Variants in KCNH1 observed in about 807,000 individuals in gnomAD.
KCNH1 encodes the protein voltage-gated delayed rectifier potassium channel KCNH1.
KCNH1 carries 27 observed loss-of-function variants against 69.2 expected under a neutral mutation model. That is an observed-to-expected ratio of 0.39 (90% CI 0.29 to 0.54). The LOEUF (loss-of-function observed/expected upper bound fraction) is 0.54, where lower values mean the gene tolerates loss of function less well. Among genes scored for constraint, KCNH1 ranks in the 20% least tolerant of loss-of-function variants. The pLI, the probability that KCNH1 is intolerant of heterozygous loss-of-function variation, is 0.68. For synonymous variants in KCNH1, 456 were observed against 487.7 expected, an observed-to-expected ratio of 0.93 and a Z score of 0.86; for missense variants, 798 against 1,261.6, an observed-to-expected ratio of 0.63 and a Z score of 5.57.
intron 9 of KCNH1, among the ~76,000 whole-genome samples, chr1:210,776,259 A>T (rs1683859101): frequency 1.3e-5 from 2 of 152,244 alleles, no homozygotes; most frequent in South Asian, 4.2e-4. Flanking sequence ...CTCCTTCCAG[A>T]GTATGTTCCT....
intron 6 of KCNH1, among the ~76,000 whole-genome samples, chr1:210,988,996 G>A (rs1688894391): frequency 6.6e-6 from 1 of 152,202 alleles, no homozygotes; most frequent in South Asian, 2.1e-4. Flanking sequence ...GATGTTCAAT[G>A]TAGCTCCTTA....
chr1:211,000,681 CA>C (rs1452726272), intron 6 of KCNH1, among the ~76,000 whole-genome samples: 2 of 152,080 alleles, frequency 1.3e-5, no homozygotes, highest in East Asian at 3.9e-4. Context: ...TGATATGGAA[CA>C]AAAAAAGAGC....
intron 5 of KCNH1, among the ~76,000 whole-genome samples, chr1:211,080,190 C>A (rs544099938): frequency 4.7e-4 from 72 of 152,186 alleles, no homozygotes; most frequent in African/African-American, 1.7e-3. Context: ...AAACAGAGAG[C>A]CAAATCATGA....
chr1:210,957,295 C>T (rs897339975), intron 6 of KCNH1, among the ~76,000 whole-genome samples: 1 of 152,126 alleles, frequency 6.6e-6, no homozygotes, highest in Non-Finnish European at 1.5e-5. Context: ...GTTGTGATTT[C>T]TGTTCTTCTA....
At chr1:210,824,503 GTTGTTGCT>G (rs1684997887) in intron 7 of KCNH1, among the ~76,000 whole-genome samples, 1 of 152,072 alleles carries the variant, frequency 6.6e-6, no homozygotes, top group African/African-American at 2.4e-5. Flanking sequence ...TAAAAGAAAT[GTTGTTGCT>G]TTACATTGCC....
chr1:211,026,194 C>T (rs997788500), intron 5 of KCNH1, among the ~76,000 whole-genome samples: 1 of 152,018 alleles, frequency 6.6e-6, no homozygotes, highest in African/African-American at 2.4e-5. Context: ...CCTCTAAGTG[C>T]AACTAAAAGC....
intron 7 of KCNH1, among the ~76,000 whole-genome samples, chr1:210,875,132 G>A (rs1318103028): frequency 6.6e-6 from 1 of 152,170 alleles, no homozygotes; most frequent in East Asian, 1.9e-4. Context: ...AAGAAATACA[G>A]AAGCATTTGA....
At chr1:211,091,371 C>T (rs1288321982) in intron 3 of KCNH1, among the ~76,000 whole-genome samples, 5 of 151,870 alleles carry the variant, frequency 3.3e-5, no homozygotes, top group Admixed American at 6.6e-5. Context: ...TTAGTAGAGG[C>T]GGCCAGGGTG....
intron 6 of KCNH1, among the ~76,000 whole-genome samples, chr1:210,968,057 C>T (rs1688442392): frequency 6.6e-6 from 1 of 151,910 alleles, no homozygotes; most frequent in Admixed American, 6.6e-5. Flanking sequence ...GTGATATTCC[C>T]CTTCCTGTGA....
chr1:210,747,844 AAAC>A (rs1365714375), intron 10 of KCNH1, among the ~76,000 whole-genome samples: 4 of 152,260 alleles, frequency 2.6e-5, no homozygotes, highest in African/African-American at 4.8e-5. Context: ...TCATTATAAA[AAAC>A]AACATTTTCC....
intron 10 of KCNH1, among the ~76,000 whole-genome samples, chr1:210,745,166 T>C (rs1558451589): frequency 1.9e-5 from 1 of 52,162 alleles, no homozygotes; most frequent in African/African-American, 5.8e-5. Flanking sequence ...GTCATGCCAC[T>C]GCACTCCAGC....
At chr1:211,092,672 C>T (rs1245593595) in intron 3 of KCNH1, among the ~76,000 whole-genome samples, 2 of 152,104 alleles carry the variant, frequency 1.3e-5, no homozygotes, top group Admixed American at 1.3e-4. Context: ...TACTATTCCT[C>T]CTAGTCTTTT....
At chr1:211,082,057 A>G (rs962345738) in intron 5 of KCNH1, among the ~76,000 whole-genome samples, 2 of 152,230 alleles carry the variant, frequency 1.3e-5, no homozygotes, top group Non-Finnish European at 2.9e-5. Flanking sequence ...TTGGGTGCAT[A>G]AAGCCTAATA....
chr1:210,942,321 C>T (rs191532917), intron 6 of KCNH1, among the ~76,000 whole-genome samples: 29 of 152,252 alleles, frequency 1.9e-4, no homozygotes, highest in Middle Eastern at 3.4e-3. Context: ...AAGTTCAGGG[C>T]ACAGGCTAAG....
intron 10 of KCNH1, among the ~76,000 whole-genome samples, chr1:210,765,874 C>T (rs768909029): frequency 4.6e-5 from 7 of 151,934 alleles, no homozygotes; most frequent in Non-Finnish European, 1.0e-4. Flanking sequence ...CCAGCCTGGC[C>T]GAGATGGTGA....
At chr1:210,834,574 A>G (rs1373785565) in intron 7 of KCNH1, among the ~76,000 whole-genome samples, 2 of 147,868 alleles carry the variant, frequency 1.4e-5, no homozygotes, top group Non-Finnish European at 3.0e-5. Context: ...TGGGAGATAT[A>G]CCTAATGCTA....
chr1:211,016,334 G>C (rs563908320), intron 6 of KCNH1, among the ~76,000 whole-genome samples: 5 of 152,242 alleles, frequency 3.3e-5, no homozygotes, highest in South Asian at 4.1e-4. Context: ...TTTTACATAT[G>C]TGTTTATAGT....
chr1:211,032,627 T>C (rs1021739454), intron 5 of KCNH1, among the ~76,000 whole-genome samples: 2 of 152,192 alleles, frequency 1.3e-5, no homozygotes, highest in African/African-American at 4.8e-5. Flanking sequence ...AACTATCTGA[T>C]CTTTGACAAA....
chr1:210,774,356 G>A (rs1429505738), intron 10 of KCNH1, among the ~76,000 whole-genome samples: 1 of 152,112 alleles, frequency 6.6e-6, no homozygotes, highest in African/African-American at 2.4e-5. Flanking sequence ...TGGGGGCCTT[G>A]AGGATGAAGG....
Sources: allele counts gnomAD v4.1 joint callset (sites outside exome capture counted in the v4.1 genomes callset), GRCh38; gene constraint gnomAD v4.1.1; transcripts MANE v1.5; gene names NCBI Gene and HGNC (gene_info 2026-07-23, HGNC 2026-07-21).